NUP153: variants seen among roughly 807,000 people sequenced by gnomAD.
The protein encoded by NUP153 is nuclear pore complex protein Nup153.
A neutral mutation model predicts 134.6 loss-of-function variants in NUP153; 27 were observed. The ratio of observed to expected loss-of-function variants is 0.20; its 90% CI spans 0.15 to 0.28. NUP153 has a LOEUF of 0.28. Ranked by LOEUF, NUP153 falls within the 10% of genes least tolerant of loss-of-function variation. NUP153 has a pLI of 1.00. For missense variants in NUP153, 1,821 were observed against 1,731.3 expected, an observed-to-expected ratio of 1.05 and a Z score of -0.92; for synonymous variants, 640 against 623.5, an observed-to-expected ratio of 1.03 and a Z score of -0.40.
chr6:17,701,244 A>G (rs949897379), intron 1 of NUP153, among the ~76,000 whole-genome samples: 2 of 151,402 alleles, frequency 1.3e-5, no homozygotes, highest in African/African-American at 4.9e-5. Context: ...AAAAAAGCTA[A>G]ATGCGCCAGG....
intron 11 of NUP153, chr6:17,651,824 T>C: frequency 1.6e-6 from 1 of 612,734 alleles, no homozygotes; most frequent in East Asian, 2.8e-5. Flanking sequence ...TTAGGCATGG[T>C]AGCACATACC....
chr6:17,664,193 T>A (rs1417774051), intron 9 of NUP153, among the ~76,000 whole-genome samples: 1 of 152,186 alleles, frequency 6.6e-6, no homozygotes, highest in Non-Finnish European at 1.5e-5. Flanking sequence ...GCTAAGTGGC[T>A]ACTGACGGGT....
chr6:17,648,619 A>AAAAT (rs201367642), intron 12 of NUP153, among the ~76,000 whole-genome samples: 2 of 152,052 alleles, frequency 1.3e-5, no homozygotes, highest in African/African-American at 2.4e-5. Context: ...TCAAGCTGAA[A>AAAAT]AAATAAATAA....
chr6:17,646,253 G>A, intron 13 of NUP153, 99 bp from the exon 14 acceptor site: 1 of 572,582 alleles, frequency 1.7e-6, no homozygotes, highest in Non-Finnish European at 3.0e-6. Context: ...TGTCGCCCAG[G>A]CTGGAGTGCA....
intron 8 of NUP153, among the ~76,000 whole-genome samples, chr6:17,665,992 T>A (rs1444759305): frequency 2.0e-5 from 3 of 151,616 alleles, no homozygotes; most frequent in Non-Finnish European, 4.4e-5. Flanking sequence ...CCTGGCTTTT[T>A]TTTTTTTTTT....
chr6:17,646,693 GGT>G (rs1175948032), intron 13 of NUP153, among the ~76,000 whole-genome samples: 1 of 151,596 alleles, frequency 6.6e-6, no homozygotes, highest in Non-Finnish European at 1.5e-5. Flanking sequence ...AAATAATGAT[GGT>G]GTGTTCCTAA....
At chr6:17,623,212 A>T (rs1764738827) in intron 20 of NUP153, among the ~76,000 whole-genome samples, 1 of 151,974 alleles carries the variant, frequency 6.6e-6, no homozygotes, top group Non-Finnish European at 1.5e-5. Context: ...TTCATATTAG[A>T]GGAAAAAATC....
chr6:17,644,947 G>A (rs761859686), intron 14 of NUP153, among the ~76,000 whole-genome samples: 9 of 152,124 alleles, frequency 5.9e-5, no homozygotes, highest in African/African-American at 1.9e-4. Context: ...TTAGCCAGGC[G>A]TGGTGGCAGG....
At position 17,668,162 on chromosome 6, in the gene NUP153, GC is replaced by G. The variant is rs1458424830; in HGVS notation, c.1068+812del. The stretch of plus-strand genomic sequence containing the variant: ...GCGGCCTCGGCTCACTGCACCCTCC[GC>G]CTCCCGGGTTCAAGTGATTCTCCTG... On this transcript the variant is annotated intron_variant, in intron 8 of 21. Coordinates refer to ENST00000262077, the MANE Select transcript of NUP153 (RefSeq NM_005124.4). Among the ~76,000 whole-genome samples the G allele has an allele frequency of 3.7e-5, 5 of 134,848 alleles. No individual in the cohort carries two copies. In the East Asian group the frequency reaches 1.0e-3, roughly 28 times the overall value. The allele number at this position is 134,848 out of a possible 152,430, so 88.5% of individuals were successfully genotyped here.
intron 18 of NUP153, among the ~76,000 whole-genome samples, chr6:17,626,623 G>C (rs1257461583): frequency 6.6e-6 from 1 of 152,176 alleles, no homozygotes; most frequent in Non-Finnish European, 1.5e-5. Flanking sequence ...TTGCAATGCT[G>C]TCTTTATCAC....
rs143695815 is a variant in NUP153 at position 17,656,517 on chromosome 6, G to A, written c.1395+5136C>T. Among the ~76,000 whole-genome samples, 196 of 152,254 alleles carry A rather than the reference G, an allele frequency of 1.3e-3. 1 individual carries two copies. In the South Asian group the frequency reaches 0.023, roughly 18 times the overall value. ...AGCCTCCCTGGTAGCTGGGACCACA[G>A]GCGCTAACCACCATGCCTGGTTAAT... On this transcript the variant is annotated intron_variant, in intron 11 of 21. Transcript: ENST00000262077.
intron 1 of NUP153, among the ~76,000 whole-genome samples, chr6:17,702,875 T>C (rs980382011): frequency 1.5e-5 from 2 of 130,342 alleles, no homozygotes; most frequent in Admixed American, 1.6e-4. Context: ...TGAATTTGTC[T>C]GCACAACTTC....
At chr6:17,652,031 CAG>C (rs1208537574) in intron 11 of NUP153, 1 of 406,066 alleles carries the variant, frequency 2.5e-6, no homozygotes. Flanking sequence ...GCCTGGGTGA[CAG>C]AGTGACATCT....
At chr6:17,692,583 C>G (rs1244854411) in intron 1 of NUP153, among the ~76,000 whole-genome samples, 1 of 152,122 alleles carries the variant, frequency 6.6e-6, no homozygotes, top group Non-Finnish European at 1.5e-5. Flanking sequence ...GACCTGGAAC[C>G]AGTATGAAGG....
intron 1 of NUP153, among the ~76,000 whole-genome samples, chr6:17,698,383 G>C (rs1769803206): frequency 6.6e-6 from 1 of 152,130 alleles, no homozygotes; most frequent in South Asian, 2.1e-4. Context: ...CTTCAGTCCA[G>C]GAGTTGGAGA....
chr6:17,649,118 T>G, intron 12 of NUP153, 45 bp downstream of exon 12: 1 of 1,522,164 alleles, frequency 6.6e-7, no homozygotes, highest in Non-Finnish European at 8.9e-7. Flanking sequence ...AATAAAGAAT[T>G]AAGAAAGAAC....
chr6:17,699,170 A>G (rs1769874800), intron 1 of NUP153, among the ~76,000 whole-genome samples: 2 of 146,728 alleles, frequency 1.4e-5, no homozygotes, highest in African/African-American at 2.5e-5. Context: ...CATGAAGATA[A>G]GCTAAATAGC....
intron 1 of NUP153, among the ~76,000 whole-genome samples, chr6:17,690,896 T>TG (rs923224416): frequency 2.0e-5 from 3 of 152,134 alleles, no homozygotes; most frequent in African/African-American, 7.2e-5. Flanking sequence ...TCCCAGCACT[T>TG]TGGGAGGCCG....
chr6:17,629,438 T>A lies in NUP153; in HGVS notation c.2761A>T (p.Thr921Ser), dbSNP rs1765118747. The change falls in exon 18 of 22, where the codon ACT (threonine) becomes TCT (serine). Residue 921 changes from threonine to serine, a missense_variant. Coordinates refer to ENST00000262077, the MANE Select transcript of NUP153 (RefSeq NM_005124.4). ...TGATCTCCAAATTTAAAATTTCCAG[T>A]GCTTGTTAAAGTCTGAGAAGGCCCA... Reference protein sequence around the residue: ...SSGPSQTLTSTGNFKFGDQGG... With the variant: ...SSGPSQTLTSSGNFKFGDQGG... 6.2e-7 allele frequency: 1 copy of A among 1,613,942 alleles called. No individual in the cohort carries two copies. The highest frequency in any genetic ancestry group is 1.7e-5 in the Admixed American group (1 of 60,000).
Sources: gnomAD v4.1 joint callset for allele counts (sites outside exome capture counted in the v4.1 genomes callset) on GRCh38, gnomAD v4.1.1 for gene constraint, MANE v1.5 for transcripts, NCBI Gene and HGNC (gene_info 2026-07-23, HGNC 2026-07-21) for gene names.